SGMS1: variants seen among roughly 807,000 people sequenced by gnomAD.
SGMS1 encodes the protein phosphatidylcholine:ceramide cholinephosphotransferase 1.
In SGMS1, 13 loss-of-function variants were observed where a neutral mutation model predicts 46.2. The observed-to-expected ratio is 0.28, with a 90% CI of 0.18 to 0.45. SGMS1 has a LOEUF of 0.45. SGMS1 is among the 20% of genes least tolerant of loss of function. The pLI is 1.00. For missense variants in SGMS1, 324 were observed against 519.9 expected (o/e 0.62, Z 3.66); for synonymous variants, 203 against 187.8 (o/e 1.08, Z -0.66).
chr10:50,576,852 CA>C (rs1838390012), intron 2 of SGMS1, among the ~76,000 whole-genome samples: 1 of 152,144 alleles, frequency 6.6e-6, no homozygotes, highest in African/African-American at 2.4e-5. Flanking sequence ...ACCATGGTGG[CA>C]AAAGAAAAGA....
chr10:50,623,572 G>T (rs1393235932), intron 1 of SGMS1, 135 bp downstream of exon 1: 44 of 984,868 alleles, frequency 4.5e-5, no homozygotes, highest in Non-Finnish European at 5.3e-5. Flanking sequence ...GGCACCGCGC[G>T]GGCTGCGCTC....
chr10:50,470,311 G>A (rs1377520817), intron 3 of SGMS1, among the ~76,000 whole-genome samples: 2 of 152,070 alleles, frequency 1.3e-5, no homozygotes, highest in Non-Finnish European at 2.9e-5. Flanking sequence ...TTAGAGCCTG[G>A]CTTAAGAGAA....
intron 1 of SGMS1, among the ~76,000 whole-genome samples, chr10:50,599,453 C>T (rs1429263131): frequency 7.4e-6 from 1 of 134,756 alleles, no homozygotes; most frequent in East Asian, 2.0e-4. Context: ...AAGAATATGA[C>T]TGTTAAGTGC....
intron 6 of SGMS1, among the ~76,000 whole-genome samples, chr10:50,365,636 A>G (rs909630266): frequency 6.6e-6 from 1 of 151,314 alleles, no homozygotes; most frequent in Admixed American, 6.6e-5. Flanking sequence ...CCCTGTGTCC[A>G]TGTGTTCTCC....
chr10:50,555,887 C>G (rs766449792), intron 2 of SGMS1, among the ~76,000 whole-genome samples: 3 of 152,230 alleles, frequency 2.0e-5, no homozygotes, highest in Non-Finnish European at 2.9e-5. Context: ...TACTAATACA[C>G]ACAATTTGCT....
At chr10:50,494,803 G>A (rs1158885400) in intron 3 of SGMS1, among the ~76,000 whole-genome samples, 2 of 152,030 alleles carry the variant, frequency 1.3e-5, no homozygotes, top group African/African-American at 2.4e-5. Flanking sequence ...TTGGGAGGCC[G>A]AGGCGGGCGG....
Position 50,349,582 on chromosome 10 carries a change from C to T in SGMS1, c.-231-5237G>A, listed in dbSNP as rs866571614. ...CCAAATCTCATTCTGAATTGTATTC[C>T]CATAATTCCCATTCTCCTCATGTGT... On this transcript the variant is annotated intron_variant, in intron 6 of 10. Transcript: ENST00000361781. Among the ~76,000 whole-genome samples, 2 of 152,172 alleles carry T rather than the reference C, an allele frequency of 1.3e-5. 1 individual carries two copies. Among genetic ancestry groups the T allele is most frequent in the South Asian group, 4.1e-4 (2 of 4,832 alleles).
chr10:50,350,084 G>C (rs1161901611), intron 6 of SGMS1, among the ~76,000 whole-genome samples: 4 of 152,302 alleles, frequency 2.6e-5, no homozygotes, highest in African/African-American at 9.6e-5. Context: ...ATAGCAATAT[G>C]AACAATAAGG....
intron 1 of SGMS1, among the ~76,000 whole-genome samples, chr10:50,605,704 A>T (rs868228154): frequency 2.0e-5 from 3 of 152,166 alleles, no homozygotes; most frequent in African/African-American, 7.2e-5. Context: ...GTGATAAGGC[A>T]CCCTCTAATA....
chr10:50,402,181 C>T (rs935174181), intron 6 of SGMS1, among the ~76,000 whole-genome samples: 3 of 152,178 alleles, frequency 2.0e-5, no homozygotes, highest in South Asian at 2.1e-4. Flanking sequence ...GAAATGGATG[C>T]GTAATAAGCA....
In SGMS1 at chr10:50,400,813, T is replaced by C. The variant is rs1269081381; in HGVS notation, c.-232+32663A>G. 2.6e-5 allele frequency among the ~76,000 whole-genome samples: 4 copies of C among 152,234 alleles called. No individual in the cohort carries two copies. In the East Asian group the frequency reaches 7.7e-4, roughly 29 times the overall value. ...GTGACCAGAATGTATCAGGCAATAA[T>C]GAAAGTCTGGACAGTTGTCAGATCC... On this transcript the variant is annotated intron_variant, in intron 6 of 10. Coordinates refer to ENST00000361781, the MANE Select transcript of SGMS1 (RefSeq NM_147156.4).
intron 1 of SGMS1, among the ~76,000 whole-genome samples, chr10:50,610,010 T>C (rs1281760793): frequency 6.6e-6 from 1 of 152,192 alleles, no homozygotes; most frequent in Non-Finnish European, 1.5e-5. Flanking sequence ...GGGGCCTCTG[T>C]GCTCCTCCCA....
rs973392678 is a variant in SGMS1 at position 50,343,820 on chromosome 10, T to C, written c.295A>G (p.Ser99Gly). The C allele has an allele frequency of 6.2e-7, 1 of 1,614,168 alleles. No individual in the cohort carries two copies. Among genetic ancestry groups the C allele is most frequent in the Admixed American group, 1.7e-5 (1 of 60,022 alleles). The change falls in exon 7 of 11, where the codon AGC becomes GGC. Residue 99 changes from serine (S) to glycine (G), a missense_variant. Coordinates refer to ENST00000361781, the MANE Select transcript of SGMS1 (RefSeq NM_147156.4). ...ATCCCGTTGGGTTTAATCTTGATGC[T>C]GAAGCTGCCGTCGGGGGTGGGGATG... ...VDIPTPDGSF[S>G]IKIKPNGMPN...
At chr10:50,492,431 A>T (rs1310326372) in intron 3 of SGMS1, among the ~76,000 whole-genome samples, 1 of 152,234 alleles carries the variant, frequency 6.6e-6, no homozygotes, top group Non-Finnish European at 1.5e-5. Context: ...CAAAAGCTTA[A>T]GCTGATAAAC....
intron 2 of SGMS1, among the ~76,000 whole-genome samples, chr10:50,566,582 T>C (rs1181462107): frequency 6.6e-6 from 1 of 152,248 alleles, no homozygotes; most frequent in Non-Finnish European, 1.5e-5. Context: ...TATGCACTTA[T>C]AGCCAAACTC....
At chr10:50,415,051 G>A (rs1289496461) in intron 6 of SGMS1, among the ~76,000 whole-genome samples, 4 of 152,206 alleles carry the variant, frequency 2.6e-5, no homozygotes, top group African/African-American at 9.7e-5. Flanking sequence ...AACCCGGGAG[G>A]CGGAGCTTGC....
At chr10:50,381,761 G>A (rs1229209631) in intron 6 of SGMS1, among the ~76,000 whole-genome samples, 1 of 152,186 alleles carries the variant, frequency 6.6e-6, no homozygotes, top group East Asian at 1.9e-4. Context: ...GGGCAGGCTC[G>A]AAGGGTGGCC....
chr10:50,585,715 T>C (rs1007737487), intron 2 of SGMS1, among the ~76,000 whole-genome samples: 1 of 152,384 alleles, frequency 6.6e-6, no homozygotes, highest in East Asian at 1.9e-4. Flanking sequence ...ACTCTTTTAC[T>C]ATACTTGATC....
intron 6 of SGMS1, among the ~76,000 whole-genome samples, chr10:50,356,067 C>T (rs1392061527): frequency 6.6e-6 from 1 of 152,232 alleles, no homozygotes; most frequent in Non-Finnish European, 1.5e-5. Flanking sequence ...GTGTACCCAA[C>T]AGCTCATTGA....
Sources: allele counts gnomAD v4.1 joint callset (sites outside exome capture counted in the v4.1 genomes callset), GRCh38; gene constraint gnomAD v4.1.1; transcripts MANE v1.5; gene names NCBI Gene and HGNC (gene_info 2026-07-23, HGNC 2026-07-21).